Variants in PREP observed in about 807,000 individuals in gnomAD.
The protein encoded by PREP is prolyl endopeptidase.
Under a neutral mutation model 87.6 loss-of-function variants are expected in PREP, and 29 were observed. That is an observed-to-expected ratio of 0.33 (90% CI 0.25 to 0.45). The LOEUF (loss-of-function observed/expected upper bound fraction) is 0.45. PREP is among the 20% of genes least tolerant of loss of function. PREP has a pLI of 1.00. For synonymous variants in PREP, 337 were observed against 328.6 expected (o/e 1.03, Z -0.28); for missense variants, 695 against 886.5 (o/e 0.78, Z 2.74).
intron 10 of PREP, among the ~76,000 whole-genome samples, chr6:105,294,599 C>T (rs1344195659): frequency 6.6e-6 from 1 of 152,188 alleles, no homozygotes. Context: ...AGGGACTGCA[C>T]TCAGCCCTAG....
chr6:105,401,364 G>A (rs534773042), intron 1 of PREP, among the ~76,000 whole-genome samples: 2 of 152,152 alleles, frequency 1.3e-5, no homozygotes, highest in Non-Finnish European at 2.9e-5. Flanking sequence ...TTACTAGTCT[G>A]GAACACTGCA....
rs1291923380 is a variant in PREP, at chr6:105,278,573, C to T, written c.1839-135G>A. ...GTGACCACCATGGACTGTGCCTATG[C>T]GTTACCATTTAGGCCATGACTGGCA... On this transcript the variant is annotated intron_variant, in intron 14 of 14. Transcript: ENST00000652536. This position sits in a 1 kb window ranked among gnomAD's most constrained non-coding sequence, Gnocchi z 4.2. 5.5e-6 allele frequency: 5 copies of T among 915,746 alleles called. No homozygotes were observed. The African/African-American group carries it at 6.7e-5, about 12-fold the overall frequency. The allele number at this position is 915,746 out of a possible 1,614,324, so 56.7% of individuals were successfully genotyped here.
Position 105,328,262 on chromosome 6 carries a change from A to AT in PREP, c.1213+566dup, listed in dbSNP as rs372647542. ...TCAAATGTTGTATTCATTGGTACTA[A>AT]TTTTTTTTTTTTTTGAGATGGAGTC... On this transcript the variant is annotated intron_variant, in intron 9 of 14. Transcript: ENST00000652536. Among the ~76,000 whole-genome samples, 727 of 145,858 alleles carry AT rather than the reference A, an allele frequency of 5.0e-3. 4 individuals are homozygous for AT. The highest frequency in any genetic ancestry group is 0.015 in the African/African-American group (594 of 39,942).
chr6:105,373,394 G>A lies in PREP; in HGVS notation c.570C>T (p.Tyr190=), dbSNP rs1562220969. The change falls in exon 5 of 15, where the codon TAC becomes TAT. Residue 190 remains tyrosine (Y), a synonymous_variant. Transcript: ENST00000652536. ...HDGKGMFYNS[Y]PQQDGKSDGT... ...CATCACTTTTTCCATCCTGTTGAGGGTATGAGTTGTAGAACATTCCCTTCC... is the reference window on the plus strand; with the variant it reads ...CATCACTTTTTCCATCCTGTTGAGGATATGAGTTGTAGAACATTCCCTTCC... 1.2e-6 allele frequency: 2 copies of A among 1,614,088 alleles called. No homozygotes were observed. The highest frequency in any genetic ancestry group is 1.7e-6 in the Non-Finnish European group (2 of 1,179,994).
At chr6:105,369,984 G>C (rs936153531) in intron 5 of PREP, among the ~76,000 whole-genome samples, 2 of 152,086 alleles carry the variant, frequency 1.3e-5, no homozygotes, top group Admixed American at 1.3e-4. Flanking sequence ...GGGCGTGGTG[G>C]CTCACACCTG....
At chr6:105,387,394 C>T (rs1773026350) in intron 2 of PREP, among the ~76,000 whole-genome samples, 1 of 152,040 alleles carries the variant, frequency 6.6e-6, no homozygotes, top group Non-Finnish European at 1.5e-5. Context: ...AAAACAGTAA[C>T]ATTAAATGTA....
chr6:105,376,297 T>C, intron 3 of PREP, 42 bp from the exon 4 acceptor site: 1 of 1,589,924 alleles, frequency 6.3e-7, no homozygotes, highest in Non-Finnish European at 8.6e-7. Context: ...TGGAGTTTTC[T>C]ATTTGTGGAG....
intron 6 of PREP, among the ~76,000 whole-genome samples, chr6:105,367,962 C>T (rs1249414881): frequency 1.3e-5 from 2 of 152,122 alleles, no homozygotes; most frequent in East Asian, 1.9e-4. Flanking sequence ...TTTACTAACC[C>T]CTGGTCTAGA....
intron 7 of PREP, among the ~76,000 whole-genome samples, chr6:105,347,170 T>TG (rs1771821051): frequency 6.6e-6 from 1 of 151,150 alleles, no homozygotes; most frequent in African/African-American, 2.4e-5. Flanking sequence ...GAAAAGAAAA[T>TG]GAAAAAAAGA....
At chr6:105,370,302 CAAAAA>C (rs71549435) in intron 5 of PREP, among the ~76,000 whole-genome samples, 1 of 78,032 alleles carries the variant, frequency 1.3e-5, no homozygotes, top group African/African-American at 4.3e-5. Flanking sequence ...GACTCCATCT[CAAAAA>C]AAAAAAAAAA....
chr6:105,370,882 G>T (rs981643484), intron 5 of PREP, among the ~76,000 whole-genome samples: 7 of 152,188 alleles, frequency 4.6e-5, no homozygotes, highest in African/African-American at 1.7e-4. Flanking sequence ...GGAATGAATT[G>T]TTAGAAGACA....
chr6:105,398,592 C>T (rs1773345479), intron 1 of PREP, among the ~76,000 whole-genome samples: 1 of 152,124 alleles, frequency 6.6e-6, no homozygotes, highest in African/African-American at 2.4e-5. Flanking sequence ...ATCACCCATT[C>T]AGGTTACCAT....
At chr6:105,368,026 A>G (rs1457158477) in intron 6 of PREP, among the ~76,000 whole-genome samples, 1 of 152,234 alleles carries the variant, frequency 6.6e-6, no homozygotes, top group Non-Finnish European at 1.5e-5. Context: ...ATTCCCATGG[A>G]ATAAAATACC....
In PREP at chr6:105,333,426, T is replaced by C. The variant is rs781762348; in HGVS notation, c.903A>G (p.Thr301=). Residue 301 remains threonine (T), a synonymous_variant, in exon 8 of 15, where the codon ACA becomes ACG. Coordinates refer to ENST00000652536, the MANE Select transcript of PREP (RefSeq NM_002726.5). ...TGGGAGACTGGCGATTCGTCTTGAA[T>C]GTGAACACCGTCCCCTCATTGGTCA... is the stretch of plus-strand genomic sequence containing the variant. ...DYVTNEGTVF[T]FKTNRQSPNY... 1.2e-6 allele frequency: 2 copies of C among 1,614,206 alleles called. No individual in the cohort carries two copies. The highest frequency in any genetic ancestry group is 1.7e-5 in the Admixed American group (1 of 60,024).
intron 2 of PREP, among the ~76,000 whole-genome samples, chr6:105,385,283 T>TAAAAAAAA (rs11354337): frequency 6.4e-4 from 78 of 122,576 alleles, no homozygotes; most frequent in East Asian, 1.9e-3. Flanking sequence ...AGATCTGCTT[T>TAAAAAAAA]AAAAAAAAAA....
chr6:105,385,234 A>G (rs1451184367), intron 2 of PREP, among the ~76,000 whole-genome samples: 1 of 151,592 alleles, frequency 6.6e-6, no homozygotes, highest in Non-Finnish European at 1.5e-5. Flanking sequence ...TAAGAAATCA[A>G]TGAACTAGAA....
chr6:105,362,012 G>A (rs1250453537), intron 6 of PREP, among the ~76,000 whole-genome samples: 1 of 152,314 alleles, frequency 6.6e-6, no homozygotes, highest in African/African-American at 2.4e-5. Flanking sequence ...ACTGTGTGTT[G>A]TGTTGCTCGG....
At chr6:105,293,155 C>T (rs2793399) in intron 10 of PREP, among the ~76,000 whole-genome samples, 29,355 of 152,176 alleles carry the variant, frequency 0.19, 3,114 homozygotes, top group African/African-American at 0.29. Context: ...TGTACTGAGA[C>T]AGACCAAAAG....
At position 105,324,487 on chromosome 6, in the gene PREP, G is replaced by T. The variant is rs117392362; in HGVS notation, c.1214-719C>A. ...TCTAACATTTAAGAACTAAATCAAAGAAATAATAAGACAAGTCATTAATGT... is the reference window on the plus strand; with the variant it reads ...TCTAACATTTAAGAACTAAATCAAATAAATAATAAGACAAGTCATTAATGT... On this transcript the variant is annotated intron_variant, in intron 9 of 14. Transcript: ENST00000652536. 5.2e-3 allele frequency among the ~76,000 whole-genome samples: 797 copies of T among 152,218 alleles called. 7 individuals are homozygous for T. In the Middle Eastern group the frequency reaches 0.058, roughly 11 times the overall value.
Sources: allele counts gnomAD v4.1 joint callset (sites outside exome capture counted in the v4.1 genomes callset), GRCh38; gene constraint gnomAD v4.1.1; non-coding constraint Gnocchi (gnomAD v3.1); transcripts MANE v1.5; gene names NCBI Gene and HGNC (gene_info 2026-07-23, HGNC 2026-07-21).